Variants in PDE6A observed in about 807,000 individuals in gnomAD.
PDE6A encodes rod cGMP-specific 3',5'-cyclic phosphodiesterase subunit alpha.
Under a neutral mutation model 106.3 loss-of-function variants are expected in PDE6A, and 84 were observed. That is an observed-to-expected ratio of 0.79 (90% CI 0.66 to 0.95). The LOEUF (loss-of-function observed/expected upper bound fraction) is 0.95. PDE6A is among the 40% of genes least tolerant of loss of function. The probability of loss-of-function intolerance (pLI) is 0.00; values close to 1 mark genes in which losing one functional copy is unlikely to be tolerated. For synonymous variants in PDE6A, 394 were observed against 386.6 expected, an observed-to-expected ratio of 1.02 and a Z score of -0.23; for missense variants, 1,052 against 1,084.9, an observed-to-expected ratio of 0.97 and a Z score of 0.43.
intron 13 of PDE6A, among the ~76,000 whole-genome samples, 170 bp downstream of exon 13, chr5:149,895,013 A>G (rs1752682218): frequency 6.6e-6 from 1 of 152,106 alleles, no homozygotes; most frequent in African/African-American, 2.4e-5. Flanking sequence ...TTTTATATGC[A>G]TCTCTATTCT....
At chr5:149,931,972 G>A (rs1754047755) in intron 3 of PDE6A, 11 of 1,260,688 alleles carry the variant, frequency 8.7e-6, no homozygotes, top group Non-Finnish European at 1.3e-5. Context: ...TATATTTCCA[G>A]CTGTTGAGAT....
chr5:149,860,595 C>T lies in PDE6A; in HGVS notation c.*300G>A, dbSNP rs1319901656. ...ATGCAGCCCAGGACGGCTTTGAATG[C>T]GGCCCAACACAAATTCATAAACTTT... is the stretch of plus-strand genomic sequence containing the variant. On this transcript the variant is annotated 3_prime_UTR_variant, in exon 22 of 22. Coordinates refer to ENST00000255266, the MANE Select transcript of PDE6A (RefSeq NM_000440.3). 2 of 300,578 alleles carry T rather than the reference C, an allele frequency of 6.7e-6. No homozygotes were observed. The highest frequency in any genetic ancestry group is 6.5e-5 in the East Asian group (1 of 15,436). The allele number at this position is 300,578 out of a possible 1,614,324, so 18.6% of individuals were successfully genotyped here.
chr5:149,932,574 G>T, intron 3 of PDE6A: 2 of 1,540,502 alleles, frequency 1.3e-6, no homozygotes, highest in Non-Finnish European at 1.8e-6. Context: ...GTTGGCGTTT[G>T]GCGGTGCTAC....
chr5:149,895,437 G>A, intron 12 of PDE6A, 147 bp from the exon 13 acceptor site: 1 of 700,346 alleles, frequency 1.4e-6, no homozygotes, highest in Non-Finnish European at 2.7e-6. Context: ...ACCAGGAGGT[G>A]AGAGCTTGTA....
intron 21 of PDE6A, among the ~76,000 whole-genome samples, 183 bp downstream of exon 21, chr5:149,862,934 GCT>G (rs1257538495): frequency 6.6e-6 from 1 of 152,152 alleles, no homozygotes; most frequent in Non-Finnish European, 1.5e-5. Flanking sequence ...TGGGAACCGG[GCT>G]CTGTCTCTTA....
chr5:149,924,569 A>G (rs1380321105), intron 4 of PDE6A, among the ~76,000 whole-genome samples: 1 of 152,186 alleles, frequency 6.6e-6, no homozygotes, highest in Non-Finnish European at 1.5e-5. Context: ...AGATAAATCC[A>G]TATGGACTAC....
chr5:149,931,083 G>A lies in PDE6A; in HGVS notation c.803C>T (p.Ala268Val). The change falls in exon 4 of 22, where the codon GCT (alanine) becomes GTT (valine). Residue 268 changes from alanine to valine, a missense_variant. Physicochemically the swap from Ala to Val is moderately conservative, Grantham distance 64 (BLOSUM62 0). Coordinates refer to ENST00000255266, the MANE Select transcript of PDE6A (RefSeq NM_000440.3). Reference sequence around the variant, plus strand: ...AGAGTATCTGTCACAGTTGAGGAAAGCACGGACTGTGTACAGGGCTTTGTG... The same window carrying A: ...AGAGTATCTGTCACAGTTGAGGAAAACACGGACTGTGTACAGGGCTTTGTG... Reference protein sequence around the residue: ...QFHKALYTVRAFLNCDRYSVG... With the variant: ...QFHKALYTVRVFLNCDRYSVG... The A allele has an allele frequency of 6.2e-7, 1 of 1,614,030 alleles. No homozygotes were observed. The highest frequency in any genetic ancestry group is 8.5e-7 in the Non-Finnish European group (1 of 1,179,868).
Position 149,915,027 on chromosome 5 carries a change from T to G in PDE6A, c.934-20A>C, listed in dbSNP as rs1321357367. 4 of 1,351,006 alleles carry G rather than the reference T, an allele frequency of 3.0e-6. No individual in the cohort carries two copies. In the African/African-American group the frequency reaches 4.6e-5, roughly 15 times the overall value. The allele number at this position is 1,351,006 out of a possible 1,614,324, so 83.7% of individuals were successfully genotyped here. Reference sequence around the variant, plus strand: ...AATTTCCTGGCAAAAGAGAGAAAAATTATACTTTTTTTTTTTTTTTTTTTT... The same window carrying G: ...AATTTCCTGGCAAAAGAGAGAAAAAGTATACTTTTTTTTTTTTTTTTTTTT... On this transcript the variant is annotated intron_variant, in intron 5 of 21. Transcript: ENST00000255266.
At position 149,934,617 on chromosome 5, in the gene PDE6A, G is replaced by T; in HGVS notation, c.576C>A (p.Ile192=). 6.2e-7 allele frequency: 1 copy of T among 1,614,094 alleles called. No individual in the cohort carries two copies. The highest frequency in any genetic ancestry group is 8.5e-7 in the Non-Finnish European group (1 of 1,179,918). ...IMNGKDVVAI[I]MAVNKVDGSH... Reference sequence around the variant, plus strand: ...ATCCATCCACTTTATTCACAGCCATGATTATGGCCACCACATCCTTCCCAT... The same window carrying T: ...ATCCATCCACTTTATTCACAGCCATTATTATGGCCACCACATCCTTCCCAT... The change falls in exon 2 of 22, where the codon ATC becomes ATA. Residue 192 remains isoleucine (I), a synonymous_variant. Coordinates refer to ENST00000255266, the MANE Select transcript of PDE6A (RefSeq NM_000440.3).
chr5:149,912,066 C>T (rs1260584594), intron 6 of PDE6A, among the ~76,000 whole-genome samples: 1 of 151,964 alleles, frequency 6.6e-6, no homozygotes, highest in Non-Finnish European at 1.5e-5. Context: ...TTGATATGTA[C>T]ATTTTGTTTT....
chr5:149,897,758 G>GT (rs1250795132), intron 10 of PDE6A, among the ~76,000 whole-genome samples: 99 of 151,878 alleles, frequency 6.5e-4, no homozygotes, highest in African/African-American at 2.2e-3. Flanking sequence ...TTTTTGTGGG[G>GT]TTTTTTTTGG....
intron 6 of PDE6A, among the ~76,000 whole-genome samples, chr5:149,908,707 C>T (rs1217568369): frequency 6.7e-6 from 1 of 149,936 alleles, no homozygotes; most frequent in Admixed American, 7.2e-5. Context: ...ACTACTTTTA[C>T]TCATTTTTGT....
In PDE6A at chr5:149,922,666, T is replaced by C. The variant is rs182980163; in HGVS notation, c.859-957A>G. Among the ~76,000 whole-genome samples, 355 of 152,290 alleles carry C rather than the reference T, an allele frequency of 2.3e-3. 6 individuals are homozygous for C. Among genetic ancestry groups the C allele is most frequent in the East Asian group, 9.6e-4 (5 of 5,190 alleles). On this transcript the variant is annotated intron_variant, in intron 4 of 21. Coordinates refer to ENST00000255266, the MANE Select transcript of PDE6A (RefSeq NM_000440.3). ...CTGAGTGATTGGAATCAGACTGCAA[T>C]TTATTTAGAAATTTTTCATAACAAA...
At position 149,909,640 on chromosome 5, in the gene PDE6A, T is replaced by G. The variant is rs576116075; in HGVS notation, c.999-2262A>C. ...TGAGACCCTGACTGATATGGATGGA[T>G]GCATAGCTCATTACTTGTTCAGCCT... is the stretch of plus-strand genomic sequence containing the variant. On this transcript the variant is annotated intron_variant, in intron 6 of 21. Transcript: ENST00000255266. 8.5e-5 allele frequency among the ~76,000 whole-genome samples: 13 copies of G among 152,374 alleles called. No individual in the cohort carries two copies. The South Asian group carries it at 2.7e-3, about 32-fold the overall frequency.
chr5:149,905,334 A>G lies in PDE6A; in HGVS notation c.1066-1639T>C, dbSNP rs369755520. ...CTCCACACTCATAATTTCAAACACC[A>G]TCTGGTCCTGATATCTTCCAAATCT... On this transcript the variant is annotated intron_variant, in intron 7 of 21. Transcript: ENST00000255266. Among the ~76,000 whole-genome samples, 16 of 152,150 alleles carry G rather than the reference A, an allele frequency of 1.1e-4. No individual in the cohort carries two copies. In the East Asian group the frequency reaches 1.9e-3, roughly 18 times the overall value.
chr5:149,917,296 T>C (rs1753586436), intron 5 of PDE6A, among the ~76,000 whole-genome samples: 1 of 152,146 alleles, frequency 6.6e-6, no homozygotes, highest in African/African-American at 2.4e-5. Flanking sequence ...TGGAAATTTT[T>C]TTAAAAAGAA....
At position 149,867,753 on chromosome 5, in the gene PDE6A, TCCAGGTCACCTTGTTC is replaced by T; in HGVS notation, c.2230_2245del (p.Glu744SerfsTer12). The stretch of plus-strand genomic sequence containing the variant: ...GGGATTCTGTTGCAGCACCGTGCGC[TCCAGGTCACCTTGTTC>T]CCAGAATTCAGCAGCCACCAGCAGA... On this transcript the variant is annotated frameshift_variant, in exon 19 of 22. Transcript: ENST00000255266. LOFTEE classifies it high-confidence loss of function. The T allele has an allele frequency of 6.2e-7, 1 of 1,613,892 alleles. No individual in the cohort carries two copies. Among genetic ancestry groups the T allele is most frequent in the African/African-American group, 1.3e-5 (1 of 74,984 alleles).
At chr5:149,889,297 C>T (rs1325685100) in intron 13 of PDE6A, among the ~76,000 whole-genome samples, 1 of 151,838 alleles carries the variant, frequency 6.6e-6, no homozygotes, top group African/African-American at 2.4e-5. Flanking sequence ...AGATTCTGTG[C>T]TTTACCAAAT....
At chr5:149,884,391 T>C in intron 16 of PDE6A, 88 bp downstream of exon 16, 2 of 791,554 alleles carry the variant, frequency 2.5e-6, no homozygotes, top group South Asian at 2.9e-5. Context: ...TATATATGTG[T>C]ATATATGTAT....
Sources: gnomAD v4.1 joint callset for allele counts (sites outside exome capture counted in the v4.1 genomes callset) on GRCh38, gnomAD v4.1.1 for gene constraint, MANE v1.5 for transcripts, NCBI Gene and HGNC (gene_info 2026-07-23, HGNC 2026-07-21) for gene names.